The following SYT1 variants were observed in gnomAD, a reference collection of about 807,000 sequenced individuals.
The protein encoded by SYT1 is synaptotagmin 1, also known as synaptotagmin-1.
SYT1 carries 8 observed loss-of-function variants against 44.8 expected under a neutral mutation model. That is an observed-to-expected ratio of 0.18 (90% CI 0.10 to 0.32). SYT1 has a LOEUF of 0.32. Among genes scored for constraint, SYT1 ranks in the 10% least tolerant of loss-of-function variants. The pLI, the probability that SYT1 is intolerant of heterozygous loss-of-function variation, is 1.00. For missense variants in SYT1, 286 were observed against 509.3 expected (o/e 0.56, Z 4.22); for synonymous variants, 154 against 188.8 (o/e 0.82, Z 1.51).
chr12:79,388,193 A>C (rs1884512280), intron 9 of SYT1, among the ~76,000 whole-genome samples: 2 of 152,210 alleles, frequency 1.3e-5, no homozygotes, highest in South Asian at 4.1e-4. Context: ...TAGCTTCAGG[A>C]AACTGTAGCT....
At chr12:79,245,843 A>G (rs2138672315) in intron 4 of SYT1, among the ~76,000 whole-genome samples, 1 of 152,228 alleles carries the variant, frequency 6.6e-6, no homozygotes, top group Middle Eastern at 3.4e-3. Flanking sequence ...AGAGGATTTC[A>G]TGAAAAGTAA....
intron 1 of SYT1, among the ~76,000 whole-genome samples, chr12:78,901,037 A>G (rs902939619): frequency 2.0e-5 from 3 of 152,140 alleles, no homozygotes; most frequent in African/African-American, 7.2e-5. Flanking sequence ...ATTTCACTAT[A>G]TCCTTCATAA....
At chr12:79,176,854 A>G (rs1225930551) in intron 3 of SYT1, among the ~76,000 whole-genome samples, 1 of 151,982 alleles carries the variant, frequency 6.6e-6, no homozygotes, top group Non-Finnish European at 1.5e-5. Flanking sequence ...AGTTTACAAT[A>G]CTACTACATA....
chr12:79,290,922 T>C (rs1188180513), intron 5 of SYT1, among the ~76,000 whole-genome samples: 1 of 152,100 alleles, frequency 6.6e-6, no homozygotes, highest in Non-Finnish European at 1.5e-5. Flanking sequence ...CTCAGGAAAA[T>C]GTAATTTTGT....
intron 8 of SYT1, among the ~76,000 whole-genome samples, chr12:79,324,104 C>A (rs2138989263): frequency 6.6e-6 from 1 of 151,894 alleles, no homozygotes; most frequent in Admixed American, 6.6e-5. Flanking sequence ...GTGCACGCCA[C>A]CACTCCTGGC....
intron 2 of SYT1, among the ~76,000 whole-genome samples, chr12:78,991,912 T>C (rs1294872930): frequency 6.6e-6 from 1 of 152,174 alleles, no homozygotes; most frequent in Non-Finnish European, 1.5e-5. Flanking sequence ...TTGTAATGAG[T>C]ATCATTACAT....
At chr12:79,170,251 T>G (rs1458628304) in intron 3 of SYT1, among the ~76,000 whole-genome samples, 1 of 152,068 alleles carries the variant, frequency 6.6e-6, no homozygotes, top group Admixed American at 6.6e-5. Flanking sequence ...AGTTCTGTCT[T>G]TAGGTCTTTG....
At chr12:79,171,342 T>C (rs1443537914) in intron 3 of SYT1, among the ~76,000 whole-genome samples, 1 of 152,104 alleles carries the variant, frequency 6.6e-6, no homozygotes, top group Admixed American at 6.6e-5. Context: ...TGTTTTTCCA[T>C]TTGTTTGTGT....
At chr12:79,147,847 A>G (rs1870016042) in intron 3 of SYT1, among the ~76,000 whole-genome samples, 1 of 152,164 alleles carries the variant, frequency 6.6e-6, no homozygotes, top group Admixed American at 6.5e-5. Context: ...AAATTTTTCA[A>G]GGATGTATAA....
chr12:79,006,790 C>T (rs1442433944), intron 2 of SYT1, among the ~76,000 whole-genome samples: 1 of 152,136 alleles, frequency 6.6e-6, no homozygotes, highest in Non-Finnish European at 1.5e-5. Flanking sequence ...CTGCTTTCTC[C>T]ACTATCAGCC....
At chr12:79,164,135 T>C (rs150413263) in intron 3 of SYT1, among the ~76,000 whole-genome samples, 2 of 152,242 alleles carry the variant, frequency 1.3e-5, no homozygotes, top group East Asian at 1.9e-4. Flanking sequence ...AAAGTAAGCA[T>C]GGTATTATCG....
intron 3 of SYT1, among the ~76,000 whole-genome samples, chr12:79,102,028 AG>A (rs1454194002): frequency 2.0e-5 from 3 of 152,198 alleles, no homozygotes; most frequent in Non-Finnish European, 2.9e-5. Flanking sequence ...CCTATTCATA[AG>A]GGTTGTACTC....
chr12:79,106,458 GT>G (rs1878723420), intron 3 of SYT1, among the ~76,000 whole-genome samples: 1 of 149,984 alleles, frequency 6.7e-6, no homozygotes, highest in African/African-American at 2.4e-5. Flanking sequence ...CAGATATTCA[GT>G]TTATGGCATG....
intron 4 of SYT1, among the ~76,000 whole-genome samples, chr12:79,256,970 A>G (rs1328002199): frequency 6.6e-6 from 1 of 152,186 alleles, no homozygotes; most frequent in Non-Finnish European, 1.5e-5. Context: ...TCCAGAGGAG[A>G]CCATGTTACT....
At chr12:79,078,920 A>AT (rs1565796071) in intron 3 of SYT1, among the ~76,000 whole-genome samples, 1 of 152,172 alleles carries the variant, frequency 6.6e-6, no homozygotes, top group Non-Finnish European at 1.5e-5. Flanking sequence ...TGGAGAGTCC[A>AT]TTGTACTCAA....
At chr12:79,333,704 AT>A (rs1389673782) in intron 8 of SYT1, among the ~76,000 whole-genome samples, 3 of 151,788 alleles carry the variant, frequency 2.0e-5, no homozygotes, top group South Asian at 4.2e-4. Flanking sequence ...AAGAAAAAAA[AT>A]ATTGGCATCT....
At chr12:79,145,318 C>A (rs1869809228) in intron 3 of SYT1, among the ~76,000 whole-genome samples, 3 of 152,014 alleles carry the variant, frequency 2.0e-5, no homozygotes, top group East Asian at 1.9e-4. Flanking sequence ...AGAATATTAA[C>A]ATTTTTAAAA....
chr12:79,336,858 G>A (rs1245460959), intron 8 of SYT1, among the ~76,000 whole-genome samples: 1 of 151,892 alleles, frequency 6.6e-6, no homozygotes. Context: ...ATTTTGGGGG[G>A]TGGAGACAGG....
Position 78,912,265 on chromosome 12 carries a change from C to G in SYT1, c.-217+47156C>G, listed in dbSNP as rs79608796. On this transcript the variant is annotated intron_variant, in intron 1 of 10. Coordinates refer to ENST00000261205, the MANE Select transcript of SYT1 (RefSeq NM_005639.3). ...AAGAAATGAATACCTAATGTTTATT[C>G]CGTACTGTACAAGGCACTAGATGAT... Among the ~76,000 whole-genome samples, 1,105 of 151,386 alleles carry G rather than the reference C, an allele frequency of 7.3e-3. 19 individuals carry two copies. The highest frequency in any genetic ancestry group is 0.025 in the African/African-American group (1,031 of 41,290).
Sources: gnomAD v4.1 joint callset for allele counts (sites outside exome capture counted in the v4.1 genomes callset) on GRCh38, gnomAD v4.1.1 for gene constraint, MANE v1.5 for transcripts, NCBI Gene and HGNC (gene_info 2026-07-23, HGNC 2026-07-21) for gene names.